Variants in ATAD2 observed in about 807,000 individuals in gnomAD.
ATAD2 encodes the protein ATPase family AAA domain-containing protein 2.
A neutral mutation model predicts 168.9 loss-of-function variants in ATAD2; 62 were observed. The observed-to-expected ratio is 0.37, with a 90% CI of 0.30 to 0.45. ATAD2 has a LOEUF of 0.45. ATAD2 is among the 20% of genes least tolerant of loss of function. ATAD2 has a pLI of 1.00. For synonymous variants in ATAD2, 613 were observed against 571.6 expected (o/e 1.07, Z -1.03); for missense variants, 1,419 against 1,667.8 (o/e 0.85, Z 2.60).
In ATAD2 at chr8:123,372,767, C is replaced by T. The variant is rs758735068; in HGVS notation, c.321-81G>A. 6 of 1,195,940 alleles carry T rather than the reference C, an allele frequency of 5.0e-6. No individual in the cohort carries two copies. The South Asian group carries it at 6.3e-5, about 13-fold the overall frequency. 74.1% of individuals were successfully genotyped at this position (1,195,940 alleles called of 1,614,324 possible). A position where few individuals can be genotyped will look rare whatever the true frequency, so the allele number is the denominator to read the frequency against. ...TTATTTAGATGGGATTGCACTCCAT[C>T]GTCCAACAGGAGTGCAGTGGCACAA... On this transcript the variant is annotated intron_variant, in intron 2 of 27. Coordinates refer to ENST00000287394, the MANE Select transcript of ATAD2 (RefSeq NM_014109.4).
chr8:123,380,716 T>C (rs1264003553), intron 1 of ATAD2, 39 bp from the exon 2 acceptor site: 9 of 1,577,288 alleles, frequency 5.7e-6, no homozygotes, highest in East Asian at 4.5e-5. Context: ...AGTTTTTCTT[T>C]ACAAAACTCC....
chr8:123,366,233 C>T (rs1000573895), intron 8 of ATAD2, among the ~76,000 whole-genome samples: 9 of 151,960 alleles, frequency 5.9e-5, no homozygotes, highest in African/African-American at 9.7e-5. Flanking sequence ...ACCTTACCCC[C>T]GCAAAAATGG....
chr8:123,334,056 T>C, intron 23 of ATAD2, 35 bp from the exon 24 acceptor site: 2 of 1,587,912 alleles, frequency 1.3e-6, no homozygotes, highest in Admixed American at 1.8e-5. Context: ...CAAAAGGATT[T>C]CCAGATTTCA....
At chr8:123,325,458 T>C (rs1827587437) in intron 26 of ATAD2, among the ~76,000 whole-genome samples, 2 of 152,176 alleles carry the variant, frequency 1.3e-5, no homozygotes, top group East Asian at 1.9e-4. Flanking sequence ...AATTTTGTTT[T>C]TGTATTTTTA....
At chr8:123,327,841 A>G (rs1563832024) in intron 25 of ATAD2, among the ~76,000 whole-genome samples, 2 of 152,236 alleles carry the variant, frequency 1.3e-5, no homozygotes, top group Admixed American at 6.5e-5. Flanking sequence ...AGGGTATCAT[A>G]TACTTTAGTT....
chr8:123,374,352 T>G lies in ATAD2; in HGVS notation c.321-1666A>C, dbSNP rs76309899. Among the ~76,000 whole-genome samples the G allele has an allele frequency of 5.2e-3, 783 of 151,974 alleles. 6 individuals are homozygous for G. Among genetic ancestry groups the G allele is most frequent in the African/African-American group, 0.018 (741 of 41,496 alleles). ...CGGGTGACAGAGCACAGGGTCCATC[T>G]CAAAAACAAACAAACAAACAAACTT... On this transcript the variant is annotated intron_variant, in intron 2 of 27. Coordinates refer to ENST00000287394, the MANE Select transcript of ATAD2 (RefSeq NM_014109.4).
chr8:123,340,909 T>A (rs1046347596), intron 19 of ATAD2, among the ~76,000 whole-genome samples: 4 of 151,702 alleles, frequency 2.6e-5, no homozygotes, highest in Admixed American at 1.3e-4. Context: ...GCGACTATAC[T>A]ATATGCTTAA....
intron 1 of ATAD2, among the ~76,000 whole-genome samples, chr8:123,388,180 C>T (rs528959410): frequency 1.6e-4 from 25 of 152,120 alleles, no homozygotes; most frequent in Non-Finnish European, 5.9e-5. Flanking sequence ...CTGAATTCTA[C>T]AGAACTGATC....
intron 13 of ATAD2, chr8:123,352,219 G>C (rs900629): frequency 0.025 from 3,775 of 152,864 alleles, 169 homozygotes; most frequent in African/African-American, 0.087. Context: ...CATTTCCCCC[G>C]GCAAGTGGGT....
At chr8:123,346,407 G>A (rs1009715185) in intron 17 of ATAD2, 135 bp from the exon 18 acceptor site, 6 of 1,024,178 alleles carry the variant, frequency 5.9e-6, no homozygotes, top group Non-Finnish European at 8.2e-6. Context: ...GGTTCACATA[G>A]TTTCTGGAAA....
At position 123,372,585 on chromosome 8, in the gene ATAD2, C is replaced by G. The variant is rs543474997; in HGVS notation, c.370+52G>C. 1.1e-5 allele frequency: 15 copies of G among 1,378,892 alleles called. No individual in the cohort carries two copies. The South Asian group carries it at 2.2e-4, about 20-fold the overall frequency. 85.4% of individuals were successfully genotyped at this position (1,378,892 alleles called of 1,614,324 possible). A position where few individuals can be genotyped will look rare whatever the true frequency, so the allele number is the denominator to read the frequency against. ...GTAGGTACCTCAAAAAACCTGTAAA[C>G]AGAATATTAATTACACATTTTAAGA... is the stretch of plus-strand genomic sequence containing the variant. On this transcript the variant is annotated intron_variant, in intron 3 of 27. Coordinates refer to ENST00000287394, the MANE Select transcript of ATAD2 (RefSeq NM_014109.4).
chr8:123,380,177 G>A (rs1039245323), intron 2 of ATAD2, among the ~76,000 whole-genome samples: 2 of 151,884 alleles, frequency 1.3e-5, no homozygotes, highest in African/African-American at 4.8e-5. Context: ...TCAGCCTCCC[G>A]AGTAGCTGGG....
intron 1 of ATAD2, among the ~76,000 whole-genome samples, chr8:123,410,690 C>A (rs1303654178): frequency 6.6e-6 from 1 of 152,186 alleles, no homozygotes; most frequent in Non-Finnish European, 1.5e-5. Flanking sequence ...CACTCTATTT[C>A]ACTCTATTAA....
chr8:123,329,710 C>G (rs1307300073), intron 24 of ATAD2, among the ~76,000 whole-genome samples: 2 of 135,760 alleles, frequency 1.5e-5, no homozygotes, highest in Non-Finnish European at 3.0e-5. Context: ...CGAGATCATG[C>G]CACTGCACTC....
At chr8:123,396,627 G>A (rs769660480), upstream of ATAD2, among the ~76,000 whole-genome samples, 9 of 152,258 alleles carry the variant, frequency 5.9e-5, no homozygotes, top group Non-Finnish European at 1.2e-4. Flanking sequence ...GGACCTGAGC[G>A]GAGAGTCCTG....
At chr8:123,368,038 A>G (rs1020549848) in intron 8 of ATAD2, among the ~76,000 whole-genome samples, 1 of 152,126 alleles carries the variant, frequency 6.6e-6, no homozygotes, top group Non-Finnish European at 1.5e-5. Context: ...ATACAAATAA[A>G]ATTTTTTTCC....
In ATAD2 at chr8:123,329,981, C is replaced by CT. The variant is rs71310666; in HGVS notation, c.3479-1403dup. On this transcript the variant is annotated intron_variant, in intron 24 of 27. Transcript: ENST00000287394. ...AGATTACCTTTCTCCCCAGTGGCTT[C>CT]TTTTTTTTTTTTTTTTTTTTTTTTG... 6.9e-3 allele frequency among the ~76,000 whole-genome samples: 693 copies of CT among 100,286 alleles called. 15 individuals are homozygous for CT. Among genetic ancestry groups the CT allele is most frequent in the African/African-American group, 0.023 (629 of 27,578 alleles). 65.8% of individuals were successfully genotyped at this position (100,286 alleles called of 152,430 possible). A position where few individuals can be genotyped will look rare whatever the true frequency, so the allele number is the denominator to read the frequency against.
chr8:123,349,521 G>A, intron 13 of ATAD2, 77 bp from the exon 14 acceptor site: 5 of 1,422,338 alleles, frequency 3.5e-6, no homozygotes, highest in Non-Finnish European at 4.8e-6. Context: ...TTCTTCTTTT[G>A]TAAGATTTAA....
chr8:123,325,679 C>T (rs1827593306), intron 26 of ATAD2, among the ~76,000 whole-genome samples: 1 of 152,146 alleles, frequency 6.6e-6, no homozygotes, highest in Admixed American at 6.5e-5. Context: ...CCTCAGCCTC[C>T]CAAAGTGCTG....
Sources: allele counts gnomAD v4.1 joint callset (sites outside exome capture counted in the v4.1 genomes callset), GRCh38; gene constraint gnomAD v4.1.1; transcripts MANE v1.5; gene names NCBI Gene and HGNC (gene_info 2026-07-23, HGNC 2026-07-21).